SORCS3: variants seen among roughly 807,000 people sequenced by gnomAD.
The protein encoded by SORCS3 is sortilin related VPS10 domain containing receptor 3.
In SORCS3, 57 loss-of-function variants were observed where a neutral mutation model predicts 146.3. That is an observed-to-expected ratio of 0.39 (90% CI 0.31 to 0.49). The LOEUF (loss-of-function observed/expected upper bound fraction) is 0.49, where lower values mean the gene tolerates loss of function less well. Ranked by LOEUF, SORCS3 falls within the 20% of genes least tolerant of loss-of-function variation. The pLI is 0.92. For missense variants in SORCS3, 1,341 were observed against 1,575.5 expected (o/e 0.85, Z 2.52); for synonymous variants, 653 against 618.5 (o/e 1.06, Z -0.83).
At chr10:105,075,271 C>T (rs2055581578) in intron 5 of SORCS3, among the ~76,000 whole-genome samples, 2 of 152,200 alleles carry the variant, frequency 1.3e-5, no homozygotes. Flanking sequence ...CTGCCTTCAC[C>T]TGGCTTAGGA....
At chr10:105,227,985 TTG>T (rs59033040) in intron 20 of SORCS3, among the ~76,000 whole-genome samples, 14,922 of 128,738 alleles carry the variant, frequency 0.12, 526 homozygotes, top group Non-Finnish European at 0.14. Flanking sequence ...TGTGGTCATT[TTG>T]TGTGTGTGTG....
chr10:104,857,999 T>C (rs2018354209), intron 2 of SORCS3, among the ~76,000 whole-genome samples: 1 of 152,216 alleles, frequency 6.6e-6, no homozygotes, highest in Non-Finnish European at 1.5e-5. Flanking sequence ...TGCTTCATAT[T>C]GGCATCCTCT....
chr10:104,652,305 A>C (rs182681261), intron 1 of SORCS3, among the ~76,000 whole-genome samples: 1 of 152,340 alleles, frequency 6.6e-6, no homozygotes, highest in African/African-American at 2.4e-5. Flanking sequence ...CGTCACCTAT[A>C]AAATGAAAAA....
At chr10:104,899,381 T>C (rs988612901) in intron 2 of SORCS3, among the ~76,000 whole-genome samples, 4 of 152,184 alleles carry the variant, frequency 2.6e-5, no homozygotes, top group Non-Finnish European at 5.9e-5. Flanking sequence ...GCAGGTAGGC[T>C]CCATCCAGGA....
rs80288096 is a variant in SORCS3, at chr10:105,082,730, T to A, written c.1029-7045T>A. Among the ~76,000 whole-genome samples, 1,014 of 152,320 alleles carry A rather than the reference T, an allele frequency of 6.7e-3. 10 individuals carry two copies. Among genetic ancestry groups the A allele is most frequent in the African/African-American group, 0.021 (887 of 41,572 alleles). ...AGAATTCATGATTGAGTAATTTTTT[T>A]AAATTATTTATTTATTTTTAGACAG... On this transcript the variant is annotated intron_variant, in intron 5 of 26. Coordinates refer to ENST00000369701, the MANE Select transcript of SORCS3 (RefSeq NM_014978.3).
chr10:105,108,189 C>T (rs1461579060), intron 7 of SORCS3, among the ~76,000 whole-genome samples: 3 of 152,068 alleles, frequency 2.0e-5, no homozygotes, highest in African/African-American at 4.8e-5. Context: ...GAACTAGGAA[C>T]ACGGTGGCAG....
chr10:105,160,143 G>A (rs1017236041), intron 11 of SORCS3, among the ~76,000 whole-genome samples: 1 of 152,160 alleles, frequency 6.6e-6, no homozygotes, highest in African/African-American at 2.4e-5. Context: ...CAGGAGGTCT[G>A]AACTGGAAGC....
Position 105,240,951 on chromosome 10 carries a change from T to A in SORCS3, c.2869-4591T>A, listed in dbSNP as rs2418741. On this transcript the variant is annotated intron_variant, in intron 20 of 26. Coordinates refer to ENST00000369701, the MANE Select transcript of SORCS3 (RefSeq NM_014978.3). ...ACACACACAAACACTGAAAAAAATA[T>A]ATATATATATATCTATATCTATATC... is the stretch of plus-strand genomic sequence containing the variant. 8.0e-3 allele frequency among the ~76,000 whole-genome samples: 895 copies of A among 111,836 alleles called. 8 individuals are homozygous for A. The highest frequency in any genetic ancestry group is 0.025 in the African/African-American group (775 of 31,220). 73.4% of individuals were successfully genotyped at this position (111,836 alleles called of 152,430 possible). A position where few individuals can be genotyped will look rare whatever the true frequency, so the allele number is the denominator to read the frequency against.
intron 2 of SORCS3, among the ~76,000 whole-genome samples, chr10:104,878,233 A>G (rs1056061043): frequency 6.6e-6 from 1 of 152,182 alleles, no homozygotes; most frequent in Non-Finnish European, 1.5e-5. Context: ...TGGACAAGAC[A>G]TTCATGGACC....
intron 1 of SORCS3, among the ~76,000 whole-genome samples, chr10:104,644,438 T>C (rs1411401545): frequency 6.6e-6 from 1 of 152,246 alleles, no homozygotes; most frequent in Admixed American, 6.5e-5. Flanking sequence ...CTTTGAGACT[T>C]TAAGGAAATC....
intron 4 of SORCS3, among the ~76,000 whole-genome samples, chr10:105,021,036 C>G (rs1292900438): frequency 1.3e-5 from 2 of 152,234 alleles, no homozygotes; most frequent in Non-Finnish European, 2.9e-5. Flanking sequence ...ATGCATTGCA[C>G]AAAGCCTAGC....
chr10:104,964,537 T>C (rs1429719390), intron 3 of SORCS3, among the ~76,000 whole-genome samples: 2 of 152,198 alleles, frequency 1.3e-5, no homozygotes, highest in Non-Finnish European at 2.9e-5. Flanking sequence ...TCATTCTGAT[T>C]TGATTACTGC....
intron 1 of SORCS3, among the ~76,000 whole-genome samples, chr10:104,811,685 T>A (rs937515303): frequency 6.6e-6 from 1 of 151,572 alleles, no homozygotes; most frequent in East Asian, 1.9e-4. Context: ...TGGGGAGAGG[T>A]TCATACGCAG....
chr10:105,053,439 T>A (rs78553332), intron 5 of SORCS3, among the ~76,000 whole-genome samples: 1 of 151,164 alleles, frequency 6.6e-6, no homozygotes, highest in South Asian at 2.1e-4. Context: ...CACTAGCCAT[T>A]TTTTTTTTCT....
At chr10:105,136,839 C>G (rs1180662079) in intron 7 of SORCS3, among the ~76,000 whole-genome samples, 1 of 152,074 alleles carries the variant, frequency 6.6e-6, no homozygotes, top group Non-Finnish European at 1.5e-5. Flanking sequence ...CTTCATATAG[C>G]CCCTTTATGT....
intron 1 of SORCS3, among the ~76,000 whole-genome samples, chr10:104,794,920 T>A (rs976309066): frequency 6.6e-6 from 1 of 151,944 alleles, no homozygotes. Context: ...ATAGATGGTC[T>A]CAGTGTGGTA....
At chr10:104,944,144 A>G (rs1292585018) in intron 3 of SORCS3, among the ~76,000 whole-genome samples, 1 of 152,200 alleles carries the variant, frequency 6.6e-6, no homozygotes, top group Non-Finnish European at 1.5e-5. Context: ...AAAAAATATA[A>G]CTAGGTCTAT....
chr10:104,970,093 A>T (rs2054851524), intron 3 of SORCS3, among the ~76,000 whole-genome samples: 1 of 152,148 alleles, frequency 6.6e-6, no homozygotes, highest in Non-Finnish European at 1.5e-5. Flanking sequence ...CCTGTTCTGT[A>T]GACCATTGGT....
chr10:104,654,398 T>G (rs2015599742), intron 1 of SORCS3, among the ~76,000 whole-genome samples: 1 of 152,240 alleles, frequency 6.6e-6, no homozygotes, highest in South Asian at 2.1e-4. Flanking sequence ...CCATAGTAGT[T>G]GCACTAATTT....
Sources: allele counts gnomAD v4.1 joint callset (sites outside exome capture counted in the v4.1 genomes callset), GRCh38; gene constraint gnomAD v4.1.1; transcripts MANE v1.5; gene names NCBI Gene and HGNC (gene_info 2026-07-23, HGNC 2026-07-21).